The following CACNG4 variants were observed in gnomAD, a reference collection of about 807,000 sequenced individuals.
CACNG4 encodes the protein calcium voltage-gated channel auxiliary subunit gamma 4, also known as voltage-dependent calcium channel gamma-4 subunit.
In CACNG4, 8 loss-of-function variants were observed where a neutral mutation model predicts 22.9. The observed-to-expected ratio is 0.35, with a 90% CI of 0.21 to 0.63. CACNG4 has a LOEUF of 0.63. Among genes scored for constraint, CACNG4 ranks in the 30% least tolerant of loss-of-function variants. The pLI is 0.72. For synonymous variants in CACNG4, 188 were observed against 191.9 expected (o/e 0.98, Z 0.17); for missense variants, 357 against 455.4 (o/e 0.78, Z 1.97).
chr17:67,024,553 GT>G, intron 2 of CACNG4, among the ~76,000 whole-genome samples: 1 of 152,240 alleles, frequency 6.6e-6, no homozygotes, highest in South Asian at 2.1e-4. Flanking sequence ...ATGTGATGCG[GT>G]TTGTTGCTTT....
intron 1 of CACNG4, among the ~76,000 whole-genome samples, chr17:67,014,452 G>A (rs1375156387): frequency 6.6e-6 from 1 of 152,154 alleles, no homozygotes; most frequent in East Asian, 1.9e-4. Flanking sequence ...AGGAGACCGA[G>A]TCAACAGCGA....
chr17:67,018,412 A>G lies in CACNG4; in HGVS notation c.304+140A>G. On this transcript the variant is annotated intron_variant, in intron 2 of 3. Coordinates refer to ENST00000262138, the MANE Select transcript of CACNG4 (RefSeq NM_014405.4). Reference sequence around the variant, plus strand: ...CACTCACTGTCTTACTTATTCAGACATTGTGAGTTTGGAGGATGGAGTTTT... The same window carrying G: ...CACTCACTGTCTTACTTATTCAGACGTTGTGAGTTTGGAGGATGGAGTTTT... The G allele has an allele frequency of 7.6e-6, 5 of 658,658 alleles. No homozygotes were observed. In the South Asian group the frequency reaches 9.0e-5, roughly 12 times the overall value. 40.8% of individuals were successfully genotyped at this position (658,658 alleles called of 1,614,324 possible). A position where few individuals can be genotyped will look rare whatever the true frequency, so the allele number is the denominator to read the frequency against.
At chr17:66,971,732 G>A (rs921293077) in intron 1 of CACNG4, among the ~76,000 whole-genome samples, 1 of 152,158 alleles carries the variant, frequency 6.6e-6, no homozygotes, top group East Asian at 1.9e-4. Flanking sequence ...AGGAAAGGGC[G>A]AGCCGAGGCC....
At chr17:67,007,610 G>A (rs2035445277) in intron 1 of CACNG4, among the ~76,000 whole-genome samples, 1 of 151,994 alleles carries the variant, frequency 6.6e-6, no homozygotes, top group Admixed American at 6.6e-5. Flanking sequence ...TCGGTGATGT[G>A]CTGTCGGAAA....
In CACNG4 at chr17:66,992,165, G is replaced by C. The variant is rs60327203; in HGVS notation, c.221-26024G>C. On this transcript the variant is annotated intron_variant, in intron 1 of 3. Transcript: ENST00000262138. ...TGGTTGCTCCGCCAAGCTCCTGGGGGGGGGGGGCTGTGATGCCTCCTTTCT... is the reference window on the plus strand; with the variant it reads ...TGGTTGCTCCGCCAAGCTCCTGGGGCGGGGGGGCTGTGATGCCTCCTTTCT... Among the ~76,000 whole-genome samples, 32 of 148,686 alleles carry C rather than the reference G, an allele frequency of 2.2e-4. No homozygotes were observed. The East Asian group carries it at 4.6e-3, about 22-fold the overall frequency.
At position 66,998,607 on chromosome 17, in the gene CACNG4, G is replaced by A. The variant is rs116178626; in HGVS notation, c.221-19582G>A. The stretch of plus-strand genomic sequence containing the variant: ...TCAGGAGGTGCATCCACTGCCCTAA[G>A]TGTTCCCCGCTCACCCTCCCAAGCC... On this transcript the variant is annotated intron_variant, in intron 1 of 3. Transcript: ENST00000262138. Among the ~76,000 whole-genome samples the A allele has an allele frequency of 2.9e-3, 446 of 152,264 alleles. 6 individuals carry two copies. Among genetic ancestry groups the A allele is most frequent in the African/African-American group, 0.01 (433 of 41,560 alleles).
chr17:66,987,184 G>T (rs1231249247), intron 1 of CACNG4, among the ~76,000 whole-genome samples: 1 of 152,172 alleles, frequency 6.6e-6, no homozygotes, highest in African/African-American at 2.4e-5. Context: ...TAGGTAACTT[G>T]CCTGAGGTCA....
At position 67,030,640 on chromosome 17, in the gene CACNG4, T is replaced by C. The variant is rs754169853; in HGVS notation, c.620T>C (p.Ile207Thr). ...TVGVLAVNIY[I>T]EKNKELRFKT... is the part of the protein sequence containing the mutation. ...GGCGTCCTGGCTGTAAACATTTACATTGAGAAAAATAAAGAGTTGAGGTTT... is the reference window on the plus strand; with the variant it reads ...GGCGTCCTGGCTGTAAACATTTACACTGAGAAAAATAAAGAGTTGAGGTTT... The change falls in exon 4 of 4, where the codon ATT becomes ACT. Residue 207 changes from isoleucine to threonine, a missense_variant. Physicochemically the swap from Ile to Thr is moderately conservative, Grantham distance 89. Coordinates refer to ENST00000262138, the MANE Select transcript of CACNG4 (RefSeq NM_014405.4). The surrounding 1 kb of genome is among the most constrained non-coding windows in gnomAD (Gnocchi z 6.4). 1.4e-5 allele frequency: 23 copies of C among 1,614,100 alleles called. No individual in the cohort carries two copies. The Admixed American group carries it at 2.2e-4, about 15-fold the overall frequency.
intron 2 of CACNG4, among the ~76,000 whole-genome samples, chr17:67,024,353 G>A (rs925655779): frequency 6.6e-6 from 1 of 152,214 alleles, no homozygotes; most frequent in Non-Finnish European, 1.5e-5. Context: ...GAGAGGGAAA[G>A]TGACTTGGCC....
chr17:67,009,085 T>C (rs563304424), intron 1 of CACNG4, among the ~76,000 whole-genome samples: 4 of 152,228 alleles, frequency 2.6e-5, no homozygotes, highest in African/African-American at 7.2e-5. Context: ...ATGGGGTTGA[T>C]GCTTCTACAA....
intron 1 of CACNG4, among the ~76,000 whole-genome samples, chr17:66,987,793 T>C (rs1474762676): frequency 6.6e-6 from 1 of 152,038 alleles, no homozygotes; most frequent in Non-Finnish European, 1.5e-5. Context: ...TGACCAAACC[T>C]ACCCAGAAGC....
chr17:66,982,823 T>C (rs1314727506), intron 1 of CACNG4, among the ~76,000 whole-genome samples: 1 of 152,212 alleles, frequency 6.6e-6, no homozygotes, highest in African/African-American at 2.4e-5. Context: ...CCCAAGTAGC[T>C]GGATTTACAG....
intron 1 of CACNG4, among the ~76,000 whole-genome samples, chr17:66,972,525 C>A (rs1249755703): frequency 6.6e-6 from 1 of 152,210 alleles, no homozygotes; most frequent in African/African-American, 2.4e-5. Flanking sequence ...CCATGGAGAA[C>A]CTCTTGAATC....
rs971115334 is a variant in CACNG4, at chr17:67,031,878, C to T, written c.*874C>T. On this transcript the variant is annotated 3_prime_UTR_variant, in exon 4 of 4. Transcript: ENST00000262138. The surrounding 1 kb of genome is among the most constrained non-coding windows in gnomAD (Gnocchi z 4.0). ...TCTGTCCCCTGAGCGTTGGGGGTCC[C>T]GGGGGAGAGGTGGACAGACACCTCC... 1.3e-5 allele frequency: 6 copies of T among 456,458 alleles called. No individual in the cohort carries two copies. Among genetic ancestry groups the T allele is most frequent in the East Asian group, 6.9e-5 (1 of 14,398 alleles). 28.3% of individuals were successfully genotyped at this position (456,458 alleles called of 1,614,324 possible). A position where few individuals can be genotyped will look rare whatever the true frequency, so the allele number is the denominator to read the frequency against.
chr17:66,995,659 G>T (rs2035369412), intron 1 of CACNG4, among the ~76,000 whole-genome samples: 1 of 152,154 alleles, frequency 6.6e-6, no homozygotes, highest in Non-Finnish European at 1.5e-5. Context: ...AGACCAGCCT[G>T]ACCAAGATGG....
At chr17:67,015,817 A>C (rs904453200) in intron 1 of CACNG4, among the ~76,000 whole-genome samples, 1 of 152,086 alleles carries the variant, frequency 6.6e-6, no homozygotes, top group African/African-American at 2.4e-5. Context: ...AAGTAGCCCA[A>C]AAAAAGGTGT....
At chr17:67,023,339 G>A (rs2108824) in intron 2 of CACNG4, among the ~76,000 whole-genome samples, 113,756 of 141,734 alleles carry the variant, frequency 0.8, 46,353 homozygotes, top group African/African-American at 0.95. Context: ...GCAGTGGCGC[G>A]ATCTTGGCTC....
At chr17:66,995,236 G>T (rs1293551620) in intron 1 of CACNG4, among the ~76,000 whole-genome samples, 1 of 152,194 alleles carries the variant, frequency 6.6e-6, no homozygotes, top group Non-Finnish European at 1.5e-5. Context: ...TCTGGCTTCT[G>T]TCCATTGAGA....
At chr17:67,018,162 G>A in intron 1 of CACNG4, 27 bp from the exon 2 acceptor site, 1 of 1,558,296 alleles carries the variant, frequency 6.4e-7, no homozygotes, top group African/African-American at 1.4e-5. Context: ...AGCATTTACA[G>A]TGTTCTTTTC....
Sources: allele counts gnomAD v4.1 joint callset (sites outside exome capture counted in the v4.1 genomes callset), GRCh38; gene constraint gnomAD v4.1.1; non-coding constraint Gnocchi (gnomAD v3.1); transcripts MANE v1.5; gene names NCBI Gene and HGNC (gene_info 2026-07-23, HGNC 2026-07-21).